The following YWHAZ variants were observed in gnomAD, a reference collection of about 807,000 sequenced individuals.
YWHAZ encodes tyrosine 3-monooxygenase/tryptophan 5-monooxygenase activation protein zeta.
For missense variants in YWHAZ, 79 were observed against 284.8 expected, an observed-to-expected ratio of 0.28 and a Z score of 5.20; for synonymous variants, 87 against 103.6, an observed-to-expected ratio of 0.84 and a Z score of 0.97.
chr8:100,945,259 C>T (rs1350631966), intron 2 of YWHAZ, among the ~76,000 whole-genome samples: 1 of 152,196 alleles, frequency 6.6e-6, no homozygotes, highest in Non-Finnish European at 1.5e-5. Context: ...TTGTAATATG[C>T]AACATGGTCC....
At chr8:100,943,355 T>C (rs1810010987) in intron 2 of YWHAZ, among the ~76,000 whole-genome samples, 2 of 152,226 alleles carry the variant, frequency 1.3e-5, no homozygotes, top group Non-Finnish European at 2.9e-5. Flanking sequence ...TTCAATAAAC[T>C]ATATGCTAAC....
chr8:100,943,449 G>A (rs1001279842), intron 2 of YWHAZ, among the ~76,000 whole-genome samples: 1 of 152,134 alleles, frequency 6.6e-6, no homozygotes, highest in African/African-American at 2.4e-5. Flanking sequence ...TATGCCAAGA[G>A]TAACTTATTT....
rs147327058 is a variant in YWHAZ, at chr8:100,927,248, C to A, written c.295-2209G>T. ...AATACACTTTACAAGAATTGCAGGG[C>A]ACGGTGGCTCACTCCTGTAATCCCA... On this transcript the variant is annotated intron_variant, in intron 2 of 5. Coordinates refer to ENST00000395958, the MANE Select transcript of YWHAZ (RefSeq NM_145690.3). 9.4e-3 allele frequency among the ~76,000 whole-genome samples: 1,431 copies of A among 152,300 alleles called. 21 individuals carry two copies. The highest frequency in any genetic ancestry group is 0.031 in the African/African-American group (1,307 of 41,568).
intron 2 of YWHAZ, among the ~76,000 whole-genome samples, chr8:100,945,082 C>G (rs1057410092): frequency 2.0e-5 from 3 of 152,168 alleles, no homozygotes; most frequent in Non-Finnish European, 2.9e-5. Flanking sequence ...ACCAAGAGAG[C>G]TTTTGTCTAA....
intron 2 of YWHAZ, among the ~76,000 whole-genome samples, chr8:100,934,025 G>A (rs1198801131): frequency 6.6e-6 from 1 of 151,730 alleles, no homozygotes; most frequent in African/African-American, 2.4e-5. Flanking sequence ...GGGCATGGTG[G>A]TGCACACCTG....
chr8:100,944,371 A>T (rs1011973642), intron 2 of YWHAZ, among the ~76,000 whole-genome samples: 2 of 152,166 alleles, frequency 1.3e-5, no homozygotes, highest in Non-Finnish European at 2.9e-5. Flanking sequence ...CACAACTTAA[A>T]ATTGCCCTGA....
At chr8:100,923,356 T>C (rs2130108548) in intron 5 of YWHAZ, 1 of 152,324 alleles carries the variant, frequency 6.6e-6, no homozygotes, top group East Asian at 1.9e-4. Context: ...GGACTGAATT[T>C]GAATCCCAAT....
chr8:100,952,003 C>G lies in YWHAZ; in HGVS notation c.-86G>C, dbSNP rs1810827866. On this transcript the variant is annotated 5_prime_UTR_variant, in exon 1 of 6. Coordinates refer to ENST00000395958, the MANE Select transcript of YWHAZ (RefSeq NM_145690.3). Reference sequence around the variant, plus strand: ...TGGGCGGCGGCGGCGGCAGCAGCGGCGAGGCTGAGACTCTGTCCCTGGATC... The same window carrying G: ...TGGGCGGCGGCGGCGGCAGCAGCGGGGAGGCTGAGACTCTGTCCCTGGATC... The G allele has an allele frequency of 1.0e-6, 1 of 1,003,004 alleles. No individual in the cohort carries two copies. Among genetic ancestry groups the G allele is most frequent in the Non-Finnish European group, 1.2e-6 (1 of 842,272 alleles). 62.1% of individuals were successfully genotyped at this position (1,003,004 alleles called of 1,614,324 possible). A position where few individuals can be genotyped will look rare whatever the true frequency, so the allele number is the denominator to read the frequency against.
At chr8:100,932,935 C>G (rs1004432991) in intron 2 of YWHAZ, among the ~76,000 whole-genome samples, 1 of 152,142 alleles carries the variant, frequency 6.6e-6, no homozygotes, top group Non-Finnish European at 1.5e-5. Flanking sequence ...ACAATAATCA[C>G]TAGTACAGTA....
At chr8:100,942,453 TAA>T (rs778765423) in intron 2 of YWHAZ, among the ~76,000 whole-genome samples, 3 of 152,098 alleles carry the variant, frequency 2.0e-5, no homozygotes, top group East Asian at 3.8e-4. Flanking sequence ...ATACACATAA[TAA>T]AAAAGAGAGA....
At chr8:100,950,443 G>C (rs1477162244) in intron 1 of YWHAZ, 1 of 985,496 alleles carries the variant, frequency 1.0e-6, no homozygotes, top group Non-Finnish European at 1.2e-6. Flanking sequence ...ACGAAAACGG[G>C]CAGACCCGGA....
rs182400103 is a variant in YWHAZ, at chr8:100,930,034, A to C, written c.295-4995T>G. Among the ~76,000 whole-genome samples, 4 of 152,350 alleles carry C rather than the reference A, an allele frequency of 2.6e-5. No homozygotes were observed. In the East Asian group the frequency reaches 7.7e-4, roughly 29 times the overall value. ...AATGAAAGCAATCATGACTGAAATAAAGTCTGAAGTAAAAAGGGGAGGGAG... is the reference window on the plus strand; with the variant it reads ...AATGAAAGCAATCATGACTGAAATACAGTCTGAAGTAAAAAGGGGAGGGAG... On this transcript the variant is annotated intron_variant, in intron 2 of 5. Coordinates refer to ENST00000395958, the MANE Select transcript of YWHAZ (RefSeq NM_145690.3).
intron 2 of YWHAZ, among the ~76,000 whole-genome samples, chr8:100,940,486 C>T (rs1809749790): frequency 6.6e-6 from 1 of 152,166 alleles, no homozygotes; most frequent in African/African-American, 2.4e-5. Flanking sequence ...ATTTCCCTCT[C>T]CAGACTGAAG....
At chr8:100,951,192 G>A (rs1228775805) in intron 1 of YWHAZ, 4 of 985,138 alleles carry the variant, frequency 4.1e-6, no homozygotes, top group East Asian at 1.1e-4. Flanking sequence ...TCACCCCGCA[G>A]TGGACTCCCC....
Position 100,922,167 on chromosome 8 carries a change from A to G in YWHAZ, c.679-1415T>C, listed in dbSNP as rs1326266967. ...TCAAGGATTCTTGAATTTTCTGTAT[A>G]AACATGCAAATTTGATACAAAATAT... On this transcript the variant is annotated intron_variant, in intron 5 of 5. Transcript: ENST00000395958. The surrounding 1 kb of genome is among the most constrained non-coding windows in gnomAD (Gnocchi z 4.1). Among the ~76,000 whole-genome samples the G allele has an allele frequency of 6.6e-6, 1 of 152,226 alleles. No homozygotes were observed. Among genetic ancestry groups the G allele is most frequent in the Non-Finnish European group, 1.5e-5 (1 of 68,036 alleles).
intron 2 of YWHAZ, among the ~76,000 whole-genome samples, chr8:100,944,812 T>G (rs867838045): frequency 7.2e-5 from 11 of 152,180 alleles, no homozygotes; most frequent in African/African-American, 1.9e-4. Flanking sequence ...TGAGTATTAT[T>G]CCTATTTAAT....
intron 2 of YWHAZ, among the ~76,000 whole-genome samples, chr8:100,929,177 G>A (rs1049584572): frequency 1.3e-5 from 2 of 151,832 alleles, no homozygotes; most frequent in Non-Finnish European, 2.9e-5. Context: ...AGAGTAACTG[G>A]GATATCCATC....
chr8:100,924,904 A>G lies in YWHAZ; in HGVS notation c.418+12T>C, dbSNP rs761853351. On this transcript the variant is annotated intron_variant, in intron 3 of 5. Transcript: ENST00000395958. The surrounding 1 kb of genome is among the most constrained non-coding windows in gnomAD (Gnocchi z 5.7). ...TATACAAGTTCAACCAACAGGTTTAAAAACAGCATACCTTTCTTGTCATCA... is the reference window on the plus strand; with the variant it reads ...TATACAAGTTCAACCAACAGGTTTAGAAACAGCATACCTTTCTTGTCATCA... 1 of 1,611,670 alleles carries G rather than the reference A, an allele frequency of 6.2e-7. No individual in the cohort carries two copies. Among genetic ancestry groups the G allele is most frequent in the South Asian group, 1.1e-5 (1 of 90,974 alleles).
intron 5 of YWHAZ, among the ~76,000 whole-genome samples, chr8:100,921,165 C>G (rs1812999544): frequency 6.6e-6 from 1 of 152,114 alleles, no homozygotes; most frequent in African/African-American, 2.4e-5. Context: ...TCCTGAGTAG[C>G]TGGGACTACA....
Sources: gnomAD v4.1 joint callset for allele counts (sites outside exome capture counted in the v4.1 genomes callset) on GRCh38, gnomAD v4.1.1 for gene constraint, Gnocchi (gnomAD v3.1) non-coding constraint, MANE v1.5 for transcripts, NCBI Gene and HGNC (gene_info 2026-07-23, HGNC 2026-07-21) for gene names.